Variants in GRIP1 observed in about 807,000 individuals in gnomAD.
The protein encoded by GRIP1 is glutamate receptor interacting protein 1.
GRIP1 carries 45 observed loss-of-function variants against 129.9 expected under a neutral mutation model. That is an observed-to-expected ratio of 0.35 (90% CI 0.27 to 0.44). The LOEUF (loss-of-function observed/expected upper bound fraction) is 0.44, where lower values mean the gene tolerates loss of function less well. Among genes scored for constraint, GRIP1 ranks in the 20% least tolerant of loss-of-function variants. The pLI, the probability that GRIP1 is intolerant of heterozygous loss-of-function variation, is 1.00. For synonymous variants in GRIP1, 530 were observed against 520.8 expected (o/e 1.02, Z -0.24); for missense variants, 1,196 against 1,396.8 (o/e 0.86, Z 2.29).
At chr12:66,662,332 C>T (rs918381264) in intron 1 of GRIP1, among the ~76,000 whole-genome samples, 28 of 152,144 alleles carry the variant, frequency 1.8e-4, no homozygotes, top group African/African-American at 6.5e-4. Context: ...CTCTCCACTT[C>T]CCCATTCTAC....
intron 2 of GRIP1, among the ~76,000 whole-genome samples, chr12:66,553,697 C>A (rs2062220084): frequency 6.6e-6 from 1 of 151,960 alleles, no homozygotes; most frequent in African/African-American, 2.4e-5. Context: ...GCCGATGCCA[C>A]CCCTTCCCCA....
chr12:66,633,302 C>CACTATACTATACTATACTAT (rs111238786), intron 1 of GRIP1, among the ~76,000 whole-genome samples: 2 of 145,266 alleles, frequency 1.4e-5, no homozygotes, highest in South Asian at 2.1e-4. Context: ...TACCATACTA[C>CACTATACTATACTATACTAT]ACTATACTAT....
chr12:66,730,467 T>C (rs2036398158), intron 1 of GRIP1, among the ~76,000 whole-genome samples: 1 of 152,144 alleles, frequency 6.6e-6, no homozygotes, highest in African/African-American at 2.4e-5. Context: ...AGTTTATATT[T>C]ACAATTTCTG....
At chr12:66,927,075 T>A (rs2041309130) in intron 1 of GRIP1, among the ~76,000 whole-genome samples, 2 of 152,198 alleles carry the variant, frequency 1.3e-5, no homozygotes, top group Admixed American at 1.3e-4. Flanking sequence ...TTACATTATA[T>A]CATGGTTTCA....
In GRIP1 at chr12:66,735,723, G is replaced by A. The variant is rs191771420; in HGVS notation, c.-420+68330C>T. Among the ~76,000 whole-genome samples, 191 of 152,242 alleles carry A rather than the reference G, an allele frequency of 1.3e-3. 2 individuals are homozygous for A. Among genetic ancestry groups the A allele is most frequent in the South Asian group, 4.6e-3 (22 of 4,818 alleles). Reference sequence around the variant, plus strand: ...GAAAGAGACCATCAAGAAGTAGTCTGAGAAAATAGGCCAAATAAGCAGGGC... The same window carrying A: ...GAAAGAGACCATCAAGAAGTAGTCTAAGAAAATAGGCCAAATAAGCAGGGC... On this transcript the variant is annotated intron_variant, in intron 1 of 4. Coordinates refer to the GRIP1 transcript ENST00000538373.
At position 66,677,962 on chromosome 12, in the gene GRIP1, C is replaced by T. The variant is rs547902030; in HGVS notation, c.55+888G>A. Reference sequence around the variant, plus strand: ...ACAGGCTGAAAAAGAAAGGCATTTGCAACTAAATACTTTTACTCAGAATGA... The same window carrying T: ...ACAGGCTGAAAAAGAAAGGCATTTGTAACTAAATACTTTTACTCAGAATGA... On this transcript the variant is annotated intron_variant, in intron 1 of 24. Coordinates refer to ENST00000359742, the MANE Select transcript of GRIP1 (RefSeq NM_001366722.1). 2.0e-5 allele frequency among the ~76,000 whole-genome samples: 3 copies of T among 152,094 alleles called. No homozygotes were observed. The East Asian group carries it at 5.8e-4, about 29-fold the overall frequency.
chr12:66,791,557 G>A (rs968749552), intron 1 of GRIP1, among the ~76,000 whole-genome samples: 1 of 152,144 alleles, frequency 6.6e-6, no homozygotes, highest in Non-Finnish European at 1.5e-5. Context: ...AGCATTGGCA[G>A]GGTTGTAAGG....
chr12:66,400,197 G>A (rs1243340444), intron 16 of GRIP1, among the ~76,000 whole-genome samples: 1 of 151,920 alleles, frequency 6.6e-6, no homozygotes, highest in African/African-American at 2.4e-5. Flanking sequence ...ACAGGAATGG[G>A]AACTCTGGGA....
At chr12:66,796,439 C>T (rs1429291398) in intron 1 of GRIP1, among the ~76,000 whole-genome samples, 1 of 152,066 alleles carries the variant, frequency 6.6e-6, no homozygotes, top group Non-Finnish European at 1.5e-5. Context: ...AGGCTTTATG[C>T]CCCAGCCTCC....
chr12:66,654,040 C>T (rs946564235), intron 1 of GRIP1, among the ~76,000 whole-genome samples: 4 of 152,142 alleles, frequency 2.6e-5, no homozygotes, highest in African/African-American at 7.2e-5. Context: ...AGGCTGAAAA[C>T]GCTGTGGTCA....
chr12:66,809,289 G>A (rs1250182609), intron 1 of GRIP1, among the ~76,000 whole-genome samples: 3 of 152,180 alleles, frequency 2.0e-5, no homozygotes, highest in African/African-American at 7.2e-5. Flanking sequence ...CTAGATCAGC[G>A]ATTAGGGGGT....
At chr12:66,614,949 C>T (rs1052829777) in intron 1 of GRIP1, among the ~76,000 whole-genome samples, 1 of 152,134 alleles carries the variant, frequency 6.6e-6, no homozygotes, top group Non-Finnish European at 1.5e-5. Flanking sequence ...AATGTTATCT[C>T]TTAACCTTGA....
chr12:66,558,430 A>G (rs906074399), intron 2 of GRIP1, among the ~76,000 whole-genome samples: 39 of 152,216 alleles, frequency 2.6e-4, no homozygotes, highest in African/African-American at 5.5e-4. Flanking sequence ...TGATTCAATT[A>G]TCTCCCACTG....
chr12:67,051,809 T>C (rs2043350675), intron 1 of GRIP1, among the ~76,000 whole-genome samples: 1 of 152,250 alleles, frequency 6.6e-6, no homozygotes, highest in African/African-American at 2.4e-5. Flanking sequence ...TTTTATTCAT[T>C]AGCCATTAGT....
chr12:66,366,950 C>A (rs967615124), intron 23 of GRIP1, among the ~76,000 whole-genome samples: 3 of 152,132 alleles, frequency 2.0e-5, no homozygotes, highest in African/African-American at 7.2e-5. Context: ...TCCCAAAGTA[C>A]TGGGATTATA....
At chr12:67,050,813 A>G (rs1447448426) in intron 1 of GRIP1, among the ~76,000 whole-genome samples, 1 of 152,060 alleles carries the variant, frequency 6.6e-6, no homozygotes, top group African/African-American at 2.4e-5. Flanking sequence ...CTTTTCCTCA[A>G]CTCACCCACA....
chr12:66,553,082 G>T (rs547969456), intron 2 of GRIP1, among the ~76,000 whole-genome samples: 1 of 152,240 alleles, frequency 6.6e-6, no homozygotes, highest in South Asian at 2.1e-4. Context: ...CCCCTCTCCT[G>T]GTCCCTTTCA....
chr12:66,881,249 CT>C (rs2040473987), intron 1 of GRIP1, among the ~76,000 whole-genome samples: 1 of 151,370 alleles, frequency 6.6e-6, no homozygotes, highest in South Asian at 2.1e-4. Context: ...GTAGAGCTTC[CT>C]TTTTTTCTGG....
At chr12:67,016,133 G>A (rs1216868521) in intron 1 of GRIP1, among the ~76,000 whole-genome samples, 1 of 152,194 alleles carries the variant, frequency 6.6e-6, no homozygotes, top group Non-Finnish European at 1.5e-5. Context: ...CACTGACACT[G>A]TTCTTTGAGA....
Sources: allele counts gnomAD v4.1 joint callset (sites outside exome capture counted in the v4.1 genomes callset), GRCh38; gene constraint gnomAD v4.1.1; transcripts MANE v1.5; gene names NCBI Gene and HGNC (gene_info 2026-07-23, HGNC 2026-07-21).